The following EYA1 variants were observed in gnomAD, a reference collection of about 807,000 sequenced individuals.
EYA1 encodes the protein protein phosphatase EYA1.
EYA1 carries 16 observed loss-of-function variants against 82.0 expected under a neutral mutation model. The ratio of observed to expected loss-of-function variants is 0.20; its 90% confidence interval spans 0.13 to 0.30. The LOEUF is 0.30. Ranked by LOEUF, EYA1 falls within the 10% of genes least tolerant of loss-of-function variation. EYA1 has a pLI of 1.00. For missense variants in EYA1, 633 were observed against 730.7 expected (o/e 0.87, Z 1.54); for synonymous variants, 261 against 264.4 (o/e 0.99, Z 0.12).
chr8:71,341,175 T>A (rs1214952269), intron 3 of EYA1, among the ~76,000 whole-genome samples: 1 of 152,158 alleles, frequency 6.6e-6, no homozygotes, highest in Non-Finnish European at 1.5e-5. Flanking sequence ...GGTAAATAAA[T>A]TACCATGAAT....
intron 12 of EYA1, among the ~76,000 whole-genome samples, chr8:71,233,457 A>G (rs978964085): frequency 4.0e-5 from 6 of 151,564 alleles, no homozygotes; most frequent in Non-Finnish European, 8.8e-5. Flanking sequence ...CCAGCTACTC[A>G]GGAGGCTGAG....
intron 2 of EYA1, among the ~76,000 whole-genome samples, chr8:71,500,715 C>T (rs1316343061): frequency 6.6e-6 from 1 of 152,118 alleles, no homozygotes; most frequent in Non-Finnish European, 1.5e-5. Flanking sequence ...TACCTACATT[C>T]TGCATTTCAT....
Position 71,346,021 on chromosome 8 carries a change from C to T in EYA1, c.124+8761G>A, listed in dbSNP as rs534076603. On this transcript the variant is annotated intron_variant, in intron 3 of 17. Coordinates refer to ENST00000340726, the MANE Select transcript of EYA1 (RefSeq NM_000503.6). Reference sequence around the variant, plus strand: ...ACACACACACGTGCACACGTGCGCGCACACACACACACACTCACTCTTCTG... The same window carrying T: ...ACACACACACGTGCACACGTGCGCGTACACACACACACACTCACTCTTCTG... Among the ~76,000 whole-genome samples the T allele has an allele frequency of 6.6e-5, 10 of 150,880 alleles. No individual in the cohort carries two copies. In the East Asian group the frequency reaches 1.6e-3, roughly 24 times the overall value.
At chr8:71,232,114 A>G (rs1811269237) in intron 12 of EYA1, among the ~76,000 whole-genome samples, 1 of 152,218 alleles carries the variant, frequency 6.6e-6, no homozygotes, top group South Asian at 2.1e-4. Flanking sequence ...CACCTAACCA[A>G]GTGGCTTTGG....
intron 3 of EYA1, among the ~76,000 whole-genome samples, chr8:71,346,568 T>A (rs1825767223): frequency 6.6e-6 from 1 of 151,618 alleles, no homozygotes. Flanking sequence ...AACTTCCTTA[T>A]CCTTATATCA....
intron 1 of EYA1, among the ~76,000 whole-genome samples, chr8:71,538,820 T>C (rs1389927294): frequency 1.3e-5 from 2 of 152,042 alleles, no homozygotes; most frequent in East Asian, 1.9e-4. Context: ...ATGTGTGGAG[T>C]ACCAGAGGCA....
chr8:71,511,144 T>A (rs918246957), intron 2 of EYA1, among the ~76,000 whole-genome samples: 2 of 152,024 alleles, frequency 1.3e-5, no homozygotes, highest in African/African-American at 4.8e-5. Flanking sequence ...AAATAAATGG[T>A]GCTAAAAAAA....
intron 2 of EYA1, among the ~76,000 whole-genome samples, chr8:71,450,116 CT>C (rs1175179312): frequency 1.6e-4 from 24 of 152,174 alleles, no homozygotes; most frequent in African/African-American, 5.8e-4. Context: ...GCAATAGGCT[CT>C]TTTGTTTTCT....
chr8:71,352,203 C>T (rs755408515), intron 3 of EYA1, among the ~76,000 whole-genome samples: 22 of 152,220 alleles, frequency 1.4e-4, no homozygotes, highest in Middle Eastern at 3.4e-3. Context: ...AATGACTACA[C>T]GCCAGAGAAG....
intron 15 of EYA1, 42 bp downstream of exon 15, chr8:71,215,572 G>C (rs1303853581): frequency 6.2e-7 from 1 of 1,606,648 alleles, no homozygotes; most frequent in African/African-American, 1.3e-5. Flanking sequence ...ACAAGCACGA[G>C]CATTGCCCAT....
intron 2 of EYA1, among the ~76,000 whole-genome samples, chr8:71,423,946 G>C (rs1438659514): frequency 6.6e-6 from 1 of 152,146 alleles, no homozygotes; most frequent in Non-Finnish European, 1.5e-5. Flanking sequence ...TTGTTCCCCT[G>C]TCATTTGTTA....
chr8:71,199,568 A>C, intron 17 of EYA1, 148 bp from the exon 18 acceptor site: 1 of 682,066 alleles, frequency 1.5e-6, no homozygotes. Context: ...GTTTAAAACA[A>C]AAATTCAAAC....
At chr8:71,432,544 C>T (rs1437052148) in intron 2 of EYA1, among the ~76,000 whole-genome samples, 1 of 152,214 alleles carries the variant, frequency 6.6e-6, no homozygotes, top group Non-Finnish European at 1.5e-5. Flanking sequence ...CCTTGGCTTA[C>T]AGATGGTCGC....
intron 2 of EYA1, among the ~76,000 whole-genome samples, chr8:71,371,162 A>G (rs1016485749): frequency 4.6e-5 from 7 of 152,214 alleles, no homozygotes; most frequent in Admixed American, 6.5e-5. Flanking sequence ...AAGTCAGTAT[A>G]AGATGCAGTA....
intron 2 of EYA1, among the ~76,000 whole-genome samples, chr8:71,526,385 G>C (rs1408874874): frequency 6.6e-6 from 1 of 152,044 alleles, no homozygotes; most frequent in Non-Finnish European, 1.5e-5. Flanking sequence ...TGGAAAAATA[G>C]GTTGATAGGA....
chr8:71,410,227 T>G (rs898562748), intron 2 of EYA1, among the ~76,000 whole-genome samples: 1 of 129,404 alleles, frequency 7.7e-6, no homozygotes, highest in Admixed American at 8.0e-5. Flanking sequence ...TGGGACGTAT[T>G]TCAAAATAAT....
intron 11 of EYA1, among the ~76,000 whole-genome samples, chr8:71,255,377 T>C (rs1386472504): frequency 1.3e-5 from 2 of 152,154 alleles, no homozygotes; most frequent in Non-Finnish European, 2.9e-5. Flanking sequence ...CAAAACAATG[T>C]GGTTCTGGCA....
chr8:71,329,963 G>A (rs1004054543), intron 4 of EYA1, among the ~76,000 whole-genome samples: 9 of 152,184 alleles, frequency 5.9e-5, no homozygotes, highest in African/African-American at 2.2e-4. Flanking sequence ...TCGATGAGGT[G>A]AGATTTGAAC....
At chr8:71,545,067 G>T (rs1312931054) in intron 1 of EYA1, among the ~76,000 whole-genome samples, 1 of 152,220 alleles carries the variant, frequency 6.6e-6, no homozygotes, top group Non-Finnish European at 1.5e-5. Flanking sequence ...GTCTGGATGA[G>T]TAAAAGGGTA....
Sources: gnomAD v4.1 joint callset for allele counts (sites outside exome capture counted in the v4.1 genomes callset) on GRCh38, gnomAD v4.1.1 for gene constraint, MANE v1.5 for transcripts, NCBI Gene and HGNC (gene_info 2026-07-23, HGNC 2026-07-21) for gene names.